The following TTC6 variants were observed in gnomAD, a reference collection of about 807,000 sequenced individuals.
TTC6 encodes the protein tetratricopeptide repeat domain 6.
A neutral mutation model predicts 210.4 loss-of-function variants in TTC6; 172 were observed. The ratio of observed to expected loss-of-function variants is 0.82; its 90% CI spans 0.72 to 0.93. TTC6 has a LOEUF of 0.93. TTC6 is among the 40% of genes least tolerant of loss of function. The pLI, the probability that TTC6 is intolerant of heterozygous loss-of-function variation, is 0.00. For synonymous variants in TTC6, 804 were observed against 819.6 expected, an observed-to-expected ratio of 0.98 and a Z score of 0.32; for missense variants, 2,414 against 2,318.1, an observed-to-expected ratio of 1.04 and a Z score of -0.85.
At chr14:37,602,264 A>G (rs564528582) in intron 1 of TTC6, among the ~76,000 whole-genome samples, 31 of 152,380 alleles carry the variant, frequency 2.0e-4, no homozygotes, top group African/African-American at 6.5e-4. Context: ...TCTCTGTCTT[A>G]TATCATAAGA....
At chr14:37,625,086 C>T (rs545180978) in intron 1 of TTC6, among the ~76,000 whole-genome samples, 13 of 152,184 alleles carry the variant, frequency 8.5e-5, no homozygotes, top group African/African-American at 2.2e-4. Context: ...GCCTGGATTT[C>T]GTTCTTGGCT....
intron 3 of TTC6, among the ~76,000 whole-genome samples, chr14:37,689,440 G>T (rs1238404164): frequency 6.6e-6 from 1 of 152,000 alleles, no homozygotes; most frequent in Non-Finnish European, 1.5e-5. Context: ...CCAACCTGAA[G>T]AAAGATATCA....
chr14:37,637,082 C>T (rs1036787912), intron 1 of TTC6, among the ~76,000 whole-genome samples: 3 of 151,040 alleles, frequency 2.0e-5, no homozygotes, highest in Admixed American at 1.3e-4. Context: ...CATCCACAGG[C>T]AAAACAACAA....
chr14:37,803,108 G>C (rs2096110681), intron 20 of TTC6, among the ~76,000 whole-genome samples: 2 of 151,744 alleles, frequency 1.3e-5, no homozygotes, highest in Non-Finnish European at 2.9e-5. Context: ...TTCACATTTG[G>C]AGATTTTGGT....
At chr14:37,782,466 C>T (rs1270353666) in intron 14 of TTC6, among the ~76,000 whole-genome samples, 2 of 152,162 alleles carry the variant, frequency 1.3e-5, no homozygotes, top group African/African-American at 4.8e-5. Flanking sequence ...GTGATTTTTG[C>T]ACATTGATTT....
intron 1 of TTC6, among the ~76,000 whole-genome samples, chr14:37,655,553 G>A (rs984704252): frequency 1.3e-5 from 2 of 151,990 alleles, no homozygotes; most frequent in Admixed American, 1.3e-4. Context: ...TGAACTTTCT[G>A]CCATGTCTAT....
chr14:37,696,345 A>G (rs1054995075), intron 3 of TTC6, among the ~76,000 whole-genome samples: 7 of 152,178 alleles, frequency 4.6e-5, no homozygotes, highest in African/African-American at 1.7e-4. Flanking sequence ...ATAAAGCACT[A>G]AAGTTTTTTT....
At chr14:37,630,907 GTT>G (rs746429138) in intron 1 of TTC6, among the ~76,000 whole-genome samples, 1 of 33,070 alleles carries the variant, frequency 3.0e-5, no homozygotes, top group Non-Finnish European at 5.1e-5. Context: ...GGCAACCCCT[GTT>G]TTTTTTTTTT....
At chr14:37,627,140 C>T (rs114857130) in intron 1 of TTC6, among the ~76,000 whole-genome samples, 2 of 152,052 alleles carry the variant, frequency 1.3e-5, no homozygotes, top group African/African-American at 4.8e-5. Flanking sequence ...TGTGAAGTGC[C>T]TGCTCCCACT....
chr14:37,769,518 G>T (rs1184337570), intron 14 of TTC6, among the ~76,000 whole-genome samples: 1 of 152,078 alleles, frequency 6.6e-6, no homozygotes, highest in Non-Finnish European at 1.5e-5. Flanking sequence ...ACTTCTTCCT[G>T]GTTTAGTCTT....
chr14:37,636,578 A>T (rs77706924), intron 1 of TTC6, among the ~76,000 whole-genome samples: 2,686 of 152,228 alleles, frequency 0.018, 55 homozygotes, highest in African/African-American at 0.061. Context: ...CTTTGTAAAA[A>T]AAAAGTCAAA....
Position 37,598,763 on chromosome 14 carries a change from C to T in TTC6, c.-235+2755C>T, listed in dbSNP as rs1369328422. 6.6e-6 allele frequency among the ~76,000 whole-genome samples: 1 copy of T among 152,116 alleles called. No homozygotes were observed. Among genetic ancestry groups the T allele is most frequent in the Non-Finnish European group, 1.5e-5 (1 of 68,022 alleles). Reference sequence around the variant, plus strand: ...TGGCAGACAGCAGGGCCTGGGCCGGCGGGGCTCTGCGGTGCCCATTCGAGT... The same window carrying T: ...TGGCAGACAGCAGGGCCTGGGCCGGTGGGGCTCTGCGGTGCCCATTCGAGT... On this transcript the variant is annotated intron_variant, in intron 1 of 2. Coordinates refer to the TTC6 transcript ENST00000556845. The surrounding 1 kb of genome is among the most constrained non-coding windows in gnomAD (Gnocchi z 4.9).
chr14:37,725,433 C>T, intron 7 of TTC6, among the ~76,000 whole-genome samples: 1 of 148,870 alleles, frequency 6.7e-6, no homozygotes, highest in East Asian at 2.0e-4. Flanking sequence ...TCACCGCAAC[C>T]TCCGCCCCCT....
At chr14:37,694,315 C>T (rs1315163191) in intron 3 of TTC6, among the ~76,000 whole-genome samples, 1 of 152,084 alleles carries the variant, frequency 6.6e-6, no homozygotes, top group Non-Finnish European at 1.5e-5. Flanking sequence ...ATACATTTCT[C>T]AAAAGAAGAC....
intron 13 of TTC6, among the ~76,000 whole-genome samples, chr14:37,752,180 G>GT (rs1025192705): frequency 6.6e-6 from 1 of 151,966 alleles, no homozygotes; most frequent in African/African-American, 2.4e-5. Context: ...CCTGATTGCA[G>GT]TACAATTCTA....
At chr14:37,738,745 G>A (rs965397199) in intron 9 of TTC6, 31 bp from the exon 12 acceptor site, 18 of 1,409,294 alleles carry the variant, frequency 1.3e-5, no homozygotes, top group African/African-American at 4.4e-5. Context: ...TTGATTTTAC[G>A]TTTTTTCTAC....
At chr14:37,668,542 C>CT (rs2095752543) in intron 1 of TTC6, among the ~76,000 whole-genome samples, 1 of 135,978 alleles carries the variant, frequency 7.4e-6, no homozygotes, top group East Asian at 1.9e-4. Context: ...AAAGAGCAAC[C>CT]TGCAAGCTCT....
intron 3 of TTC6, 97 bp from the exon 6 acceptor site, chr14:37,696,620 T>C (rs981573131): frequency 4.0e-6 from 2 of 495,094 alleles, no homozygotes; most frequent in Non-Finnish European, 6.7e-6. Context: ...CATAGAAATC[T>C]GGAGTTTAAA....
chr14:37,657,105 G>C (rs1468238977), intron 1 of TTC6, among the ~76,000 whole-genome samples: 2 of 151,028 alleles, frequency 1.3e-5, no homozygotes, highest in African/African-American at 2.4e-5. Flanking sequence ...CCAGCTACTC[G>C]GCAGGCTGAG....
Sources: allele counts gnomAD v4.1 joint callset (sites outside exome capture counted in the v4.1 genomes callset), GRCh38; gene constraint gnomAD v4.1.1; non-coding constraint Gnocchi (gnomAD v3.1); transcripts MANE v1.5; gene names NCBI Gene and HGNC (gene_info 2026-07-23, HGNC 2026-07-21).